Variants in CLIC6 observed in about 807,000 individuals in gnomAD.
CLIC6 encodes CLIC family member 6.
CLIC6 carries 39 observed loss-of-function variants against 49.2 expected under a neutral mutation model. The observed-to-expected ratio is 0.79, with a 90% CI of 0.61 to 1.04. CLIC6 has a LOEUF of 1.04. Ranked by LOEUF, CLIC6 falls within the 50% of genes least tolerant of loss-of-function variation. CLIC6 has a pLI of 0.00. For missense variants in CLIC6, 988 were observed against 993.1 expected (o/e 0.99, Z 0.07); for synonymous variants, 446 against 433.4 (o/e 1.03, Z -0.36).
rs111517116 is a variant in CLIC6, at chr21:34,680,579, A to G, written c.1374+9817A>G. 6.9e-3 allele frequency among the ~76,000 whole-genome samples: 1,048 copies of G among 152,276 alleles called. 12 individuals carry two copies. The highest frequency in any genetic ancestry group is 0.024 in the African/African-American group (980 of 41,558). On this transcript the variant is annotated intron_variant, in intron 1 of 5. Coordinates refer to ENST00000349499, the MANE Select transcript of CLIC6 (RefSeq NM_053277.3). Reference sequence around the variant, plus strand: ...CAGGCTGCAAATTTTCCTAACTTTTATGCTCTGTTTCCTCTTGAATGCTTT... The same window carrying G: ...CAGGCTGCAAATTTTCCTAACTTTTGTGCTCTGTTTCCTCTTGAATGCTTT...
chr21:34,696,220 C>T (rs1990085312), intron 1 of CLIC6, among the ~76,000 whole-genome samples: 1 of 152,180 alleles, frequency 6.6e-6, no homozygotes, highest in Non-Finnish European at 1.5e-5. Flanking sequence ...AAGTTGTCCA[C>T]CAGGGCTGCC....
chr21:34,670,009 G>T lies in CLIC6; in HGVS notation c.621G>T (p.Gly207=), dbSNP rs1989508616. The change falls in exon 1 of 6, where the codon GGG becomes GGT. Residue 207 remains glycine, a synonymous_variant. Coordinates refer to ENST00000349499, the MANE Select transcript of CLIC6 (RefSeq NM_053277.3). ...GDSVDAEGPL[G]DNIQAEGPAG... ...GCGTAGACGCGGAGGGCCCGCTGGG[G>T]GACAACATACAAGCCGAGGGCCCGG... 11 of 1,382,444 alleles carry T rather than the reference G, an allele frequency of 8.0e-6. No homozygotes were observed. The South Asian group carries it at 1.8e-4, about 23-fold the overall frequency. 85.6% of individuals were successfully genotyped at this position (1,382,444 alleles called of 1,614,324 possible). A position where few individuals can be genotyped will look rare whatever the true frequency, so the allele number is the denominator to read the frequency against.
intron 1 of CLIC6, among the ~76,000 whole-genome samples, chr21:34,679,579 T>C (rs1271396591): frequency 2.0e-5 from 3 of 152,186 alleles, no homozygotes; most frequent in Non-Finnish European, 4.4e-5. Context: ...TCATTTGAGA[T>C]AAGGCAAGTC....
chr21:34,713,498 A>G (rs1356963323), intron 5 of CLIC6, among the ~76,000 whole-genome samples: 1 of 152,190 alleles, frequency 6.6e-6, no homozygotes, highest in African/African-American at 2.4e-5. Context: ...ATTCGCACAC[A>G]TCTTATAGAG....
chr21:34,707,511 C>A (rs1183732713), intron 2 of CLIC6, 122 bp downstream of exon 2: 1 of 713,478 alleles, frequency 1.4e-6, no homozygotes, highest in Non-Finnish European at 2.4e-6. Flanking sequence ...CATCCTCAGT[C>A]GGAGTCTGAA....
intron 1 of CLIC6, among the ~76,000 whole-genome samples, chr21:34,673,665 T>A (rs949350709): frequency 2.6e-5 from 4 of 152,124 alleles, no homozygotes; most frequent in African/African-American, 9.7e-5. Context: ...TTTCTTCTTA[T>A]CCTACCAATT....
At chr21:34,697,923 T>C (rs1232990857) in intron 1 of CLIC6, among the ~76,000 whole-genome samples, 1 of 152,190 alleles carries the variant, frequency 6.6e-6, no homozygotes, top group Non-Finnish European at 1.5e-5. Flanking sequence ...GGTTTTGCTG[T>C]CTTTATAGGA....
intron 1 of CLIC6, among the ~76,000 whole-genome samples, chr21:34,678,998 G>T (rs897833947): frequency 3.9e-5 from 6 of 152,170 alleles, no homozygotes; most frequent in Admixed American, 1.3e-4. Flanking sequence ...CCAAGACCTA[G>T]AATCTTAAAG....
intron 1 of CLIC6, among the ~76,000 whole-genome samples, chr21:34,701,505 G>A (rs1281380095): frequency 6.6e-6 from 1 of 152,074 alleles, no homozygotes; most frequent in Non-Finnish European, 1.5e-5. Context: ...TTTATTGGGT[G>A]CCCAGGGATT....
chr21:34,686,637 G>T (rs1989885104), intron 1 of CLIC6, among the ~76,000 whole-genome samples: 1 of 152,168 alleles, frequency 6.6e-6, no homozygotes, highest in Non-Finnish European at 1.5e-5. Context: ...AGACTGTGTG[G>T]CTTCTGCCTT....
intron 1 of CLIC6, among the ~76,000 whole-genome samples, chr21:34,698,347 T>G (rs1990126022): frequency 6.7e-6 from 1 of 149,206 alleles, no homozygotes; most frequent in Admixed American, 6.7e-5. Context: ...TAGTAACCAA[T>G]TGGGTGCTAA....
intron 1 of CLIC6, among the ~76,000 whole-genome samples, chr21:34,701,096 A>T (rs1990180005): frequency 7.1e-6 from 1 of 141,236 alleles, no homozygotes; most frequent in Non-Finnish European, 1.5e-5. Context: ...AGGTCAGGAG[A>T]TCGAGACCAT....
At chr21:34,683,491 A>G (rs1041714826) in intron 1 of CLIC6, among the ~76,000 whole-genome samples, 5 of 152,226 alleles carry the variant, frequency 3.3e-5, no homozygotes, top group Admixed American at 1.3e-4. Context: ...GTGGAGGACA[A>G]TGAAGCCTAC....
intron 1 of CLIC6, among the ~76,000 whole-genome samples, chr21:34,678,259 G>A (rs1007220425): frequency 4.1e-5 from 6 of 147,790 alleles, no homozygotes; most frequent in Non-Finnish European, 6.0e-5. Flanking sequence ...GTGCAACCCC[G>A]TCTCTACTAA....
At chr21:34,700,308 G>A (rs1235172721) in intron 1 of CLIC6, among the ~76,000 whole-genome samples, 1 of 141,230 alleles carries the variant, frequency 7.1e-6, no homozygotes, top group African/African-American at 2.8e-5. Flanking sequence ...TTAGCCGTGC[G>A]TGGTGCCGGG....
intron 1 of CLIC6, among the ~76,000 whole-genome samples, chr21:34,699,261 T>A (rs1341929013): frequency 6.6e-6 from 1 of 152,042 alleles, no homozygotes; most frequent in East Asian, 1.9e-4. Context: ...TTTGTTTTGT[T>A]TTGTTTTTGA....
At position 34,717,383 on chromosome 21, in the gene CLIC6, T is replaced by G. The variant is rs1448087774; in HGVS notation, c.*901T>G. On this transcript the variant is annotated 3_prime_UTR_variant, in exon 6 of 6. Transcript: ENST00000349499. Reference sequence around the variant, plus strand: ...GAGACCCAAGGCTGCAGTCCCTCAGTGCTGGTGGTATCGTGTGGGGATAGC... The same window carrying G: ...GAGACCCAAGGCTGCAGTCCCTCAGGGCTGGTGGTATCGTGTGGGGATAGC... 2.0e-5 allele frequency: 3 copies of G among 152,368 alleles called. No homozygotes were observed. In the East Asian group the frequency reaches 5.8e-4, roughly 29 times the overall value. The allele number at this position is 152,368 out of a possible 1,614,324, so 9.4% of individuals were successfully genotyped here.
chr21:34,686,322 A>G (rs148575134), intron 1 of CLIC6, among the ~76,000 whole-genome samples: 43 of 152,122 alleles, frequency 2.8e-4, no homozygotes, highest in African/African-American at 1.0e-3. Context: ...AATCACTTGA[A>G]CTCAAGAGGC....
In CLIC6 at chr21:34,670,064, G is replaced by A. The variant is rs1033283785; in HGVS notation, c.676G>A (p.Val226Met). ...AGDSVDAEGR[V>M]GDSVDAEGPA... ...GGACAGCGTAGACGCGGAGGGCCGG[G>A]TGGGGGACAGCGTAGACGCGGAAGG... The change falls in exon 1 of 6, where the codon GTG becomes ATG. Residue 226 changes from valine to methionine, a missense_variant. Around this residue, in one of 3 missense-constraint regions of CLIC6, gnomAD observed 57 missense variants for 117.6 expected, o/e 0.48. Coordinates refer to ENST00000349499, the MANE Select transcript of CLIC6 (RefSeq NM_053277.3). The A allele has an allele frequency of 2.2e-6, 3 of 1,385,650 alleles. No homozygotes were observed. The African/African-American group carries it at 4.6e-5, about 21-fold the overall frequency. The allele number at this position is 1,385,650 out of a possible 1,614,324, so 85.8% of individuals were successfully genotyped here.
Sources: gnomAD v4.1 joint callset for allele counts (sites outside exome capture counted in the v4.1 genomes callset) on GRCh38, gnomAD v4.1.1 for gene constraint, gnomAD v4.1.1 regional missense constraint, MANE v1.5 for transcripts, NCBI Gene and HGNC (gene_info 2026-07-23, HGNC 2026-07-21) for gene names.